Variants in ZNF143 observed in about 807,000 individuals in gnomAD.
ZNF143 encodes the protein SPH-binding factor.
In ZNF143, 49 loss-of-function variants were observed where a neutral mutation model predicts 74.1. The observed-to-expected ratio is 0.66, with a 90% CI of 0.53 to 0.84. The LOEUF is 0.84. Among genes scored for constraint, ZNF143 ranks in the 40% least tolerant of loss-of-function variants. The pLI is 0.00. For missense variants in ZNF143, 637 were observed against 793.4 expected (o/e 0.80, Z 2.37); for synonymous variants, 304 against 282.8 (o/e 1.07, Z -0.75).
rs1287687952 is a variant in ZNF143, at chr11:9,525,408, C to T, written c.1833+22C>T. 3.1e-6 allele frequency: 5 copies of T among 1,613,816 alleles called. No individual in the cohort carries two copies. The East Asian group carries it at 6.7e-5, about 22-fold the overall frequency. On this transcript the variant is annotated intron_variant, in intron 15 of 15. Coordinates refer to ENST00000396602, the MANE Select transcript of ZNF143 (RefSeq NM_003442.6). Reference sequence around the variant, plus strand: ...TCAGGTGAGTACCAAGGCATACTGTCCTCAGTCGACAGCAGTGCTGCTCAT... The same window carrying T: ...TCAGGTGAGTACCAAGGCATACTGTTCTCAGTCGACAGCAGTGCTGCTCAT...
At position 9,472,691 on chromosome 11, in the gene ZNF143, G is replaced by T; in HGVS notation, c.127G>T (p.Glu43Ter). 2.5e-6 allele frequency: 4 copies of T among 1,610,580 alleles called. No individual in the cohort carries two copies. Among genetic ancestry groups the T allele is most frequent in the Non-Finnish European group, 3.4e-6 (4 of 1,179,008 alleles). Residue 43 changes from glutamate (E) to a stop codon, truncating the protein, a stop_gained, in exon 3 of 16, where the codon GAA becomes TAA. Transcript: ENST00000396602. LOFTEE classifies it high-confidence loss of function. ...TTTTGTAATAGATGGTGACAACTTA[G>T]AAAATATGGAAGGCGTAAGCTTGCA... ...AVTVADGDNL[E>*]NMEGVSLQAV...
At chr11:9,523,657 C>G (rs1849019785) in intron 14 of ZNF143, among the ~76,000 whole-genome samples, 1 of 151,688 alleles carries the variant, frequency 6.6e-6, no homozygotes, top group Admixed American at 6.6e-5. Flanking sequence ...TGGCGTGAAC[C>G]CGGGAGGCGG....
intron 7 of ZNF143, among the ~76,000 whole-genome samples, chr11:9,485,161 A>T (rs1291416077): frequency 6.6e-6 from 1 of 151,032 alleles, no homozygotes; most frequent in African/African-American, 2.5e-5. Context: ...ACAAAGAAGA[A>T]AACCCAAAAT....
chr11:9,463,692 T>G (rs1469267752), intron 1 of ZNF143: 1 of 152,200 alleles, frequency 6.6e-6, no homozygotes, highest in African/African-American at 2.4e-5. Context: ...ATCAGATACA[T>G]GGTTTGCAAA....
intron 2 of ZNF143, 133 bp downstream of exon 2, chr11:9,471,553 G>GTTT: frequency 6.4e-6 from 3 of 468,460 alleles, no homozygotes; most frequent in Non-Finnish European, 1.1e-5. Flanking sequence ...GTGTTTTGGT[G>GTTT]TTTTTTTTTT....
chr11:9,477,799 G>T (rs1320527317), intron 5 of ZNF143, among the ~76,000 whole-genome samples: 1 of 152,098 alleles, frequency 6.6e-6, no homozygotes, highest in Non-Finnish European at 1.5e-5. Context: ...ACTGTTAATT[G>T]TTAGTGTTTT....
rs1316309780 is a variant in ZNF143 at position 9,484,799 on chromosome 11, G to GTTTTTTTTTTTTTTTTTTTTTTTT, written c.645+5253_645+5254insTTTTTTTTTTTTTTTTTTTTTTTT. On this transcript the variant is annotated intron_variant, in intron 7 of 15. Coordinates refer to ENST00000396602, the MANE Select transcript of ZNF143 (RefSeq NM_003442.6). ...GCGTGAGCCACCGCACCTGGCCAAA[G>GTTTTTTTTTTTTTTTTTTTTTTTT]ATTTTTTTTTTTTTTTGAGACGGAG... 2.5e-4 allele frequency among the ~76,000 whole-genome samples: 6 copies of GTTTTTTTTTTTTTTTTTTTTTTTT among 24,212 alleles called. 1 individual carries two copies. The highest frequency in any genetic ancestry group is 2.1e-4 in the Non-Finnish European group (3 of 14,136). 15.9% of individuals were successfully genotyped at this position (24,212 alleles called of 152,430 possible). A position where few individuals can be genotyped will look rare whatever the true frequency, so the allele number is the denominator to read the frequency against.
chr11:9,476,777 T>TTTTTTTTTTA, intron 5 of ZNF143, among the ~76,000 whole-genome samples: 1 of 95,366 alleles, frequency 1.0e-5, no homozygotes, highest in Non-Finnish European at 2.1e-5. Flanking sequence ...TTTTTTTTTT[T>TTTTTTTTTTA]GAGACAGACT....
At chr11:9,461,521 G>C (rs1855841277) in intron 1 of ZNF143, 1 of 152,160 alleles carries the variant, frequency 6.6e-6, no homozygotes, top group African/African-American at 2.4e-5. Flanking sequence ...ACACCAGGCC[G>C]CAGCGGGGGC....
intron 11 of ZNF143, among the ~76,000 whole-genome samples, chr11:9,502,526 C>T (rs2134106208): frequency 6.7e-6 from 1 of 150,050 alleles, no homozygotes; most frequent in African/African-American, 2.4e-5. Context: ...AGGAGAACAG[C>T]ATGAACCCGG....
intron 9 of ZNF143, 56 bp from the exon 10 acceptor site, chr11:9,497,619 T>C (rs553009379): frequency 2.4e-5 from 33 of 1,349,922 alleles, no homozygotes; most frequent in Non-Finnish European, 3.0e-5. Context: ...TTATTCTCAG[T>C]GTGCATGTTT....
Position 9,479,575 on chromosome 11 carries a change from A to G in ZNF143, c.645+29A>G, listed in dbSNP as rs1847158379. 6 of 1,587,198 alleles carry G rather than the reference A, an allele frequency of 3.8e-6. No homozygotes were observed. The African/African-American group carries it at 6.7e-5, about 18-fold the overall frequency. Reference sequence around the variant, plus strand: ...TGTAAAGCTACTTTTTAATATAAAAATCTAGCTTAGCATTTCTGTGCCCTT... The same window carrying G: ...TGTAAAGCTACTTTTTAATATAAAAGTCTAGCTTAGCATTTCTGTGCCCTT... On this transcript the variant is annotated intron_variant, in intron 7 of 15. Transcript: ENST00000396602.
chr11:9,509,868 T>C (rs985970827), intron 12 of ZNF143, among the ~76,000 whole-genome samples: 2 of 152,162 alleles, frequency 1.3e-5, no homozygotes, highest in Non-Finnish European at 2.9e-5. Context: ...AAGAGTACAG[T>C]TTCAGTTAGG....
chr11:9,462,256 G>T, intron 1 of ZNF143, among the ~76,000 whole-genome samples: 2 of 111,032 alleles, frequency 1.8e-5, no homozygotes. Flanking sequence ...AGATACTTGA[G>T]TGCCTTTTTT....
At chr11:9,476,984 G>C (rs1378080208) in intron 5 of ZNF143, among the ~76,000 whole-genome samples, 1 of 149,308 alleles carries the variant, frequency 6.7e-6, no homozygotes, top group Non-Finnish European at 1.5e-5. Flanking sequence ...GGATGGTCTC[G>C]GTCTCCTGAC....
intron 2 of ZNF143, among the ~76,000 whole-genome samples, chr11:9,472,347 G>A (rs938840699): frequency 1.4e-4 from 21 of 152,116 alleles, no homozygotes; most frequent in African/African-American, 5.1e-4. Context: ...CTGCCTCCTG[G>A]GTTCAAGCGA....
intron 9 of ZNF143, 142 bp from the exon 10 acceptor site, chr11:9,497,533 T>C (rs1257034792): frequency 1.6e-6 from 1 of 629,086 alleles, no homozygotes; most frequent in Non-Finnish European, 2.5e-6. Flanking sequence ...GCCCGGCCCT[T>C]TTGTACATTT....
rs1224289767 is a variant in ZNF143, at chr11:9,473,933, T to C, written c.206-8T>C. 1.2e-6 allele frequency: 2 copies of C among 1,614,014 alleles called. No homozygotes were observed. Among genetic ancestry groups the C allele is most frequent in the East Asian group, 2.2e-5 (1 of 44,872 alleles). Reference sequence around the variant, plus strand: ...TGCCAATTTATTGTCTTGAATCTTTTGTTATAGATGCAAAACTCATAGATG... The same window carrying C: ...TGCCAATTTATTGTCTTGAATCTTTCGTTATAGATGCAAAACTCATAGATG... On this transcript the variant is annotated splice_polypyrimidine_tract_variant and splice_region_variant and intron_variant, in intron 3 of 15. Coordinates refer to ENST00000396602, the MANE Select transcript of ZNF143 (RefSeq NM_003442.6).
At chr11:9,481,313 G>A (rs187695451) in intron 7 of ZNF143, among the ~76,000 whole-genome samples, 66 of 152,190 alleles carry the variant, frequency 4.3e-4, no homozygotes, top group Non-Finnish European at 7.4e-4. Context: ...CCTTGAGCCC[G>A]TGGTTTGAAG....
Sources: allele counts gnomAD v4.1 joint callset (sites outside exome capture counted in the v4.1 genomes callset), GRCh38; gene constraint gnomAD v4.1.1; transcripts MANE v1.5; gene names NCBI Gene and HGNC (gene_info 2026-07-23, HGNC 2026-07-21).